The following FSD1L variants were observed in gnomAD, a reference collection of about 807,000 sequenced individuals.
FSD1L encodes the protein fibronectin type III and SPRY domain containing 1 like.
A neutral mutation model predicts 71.6 loss-of-function variants in FSD1L; 45 were observed. The ratio of observed to expected loss-of-function variants is 0.63; its 90% CI spans 0.49 to 0.81. FSD1L has a LOEUF of 0.81. Among genes scored for constraint, FSD1L ranks in the 30% least tolerant of loss-of-function variants. FSD1L has a pLI of 0.00. For missense variants in FSD1L, 561 were observed against 618.1 expected, an observed-to-expected ratio of 0.91 and a Z score of 0.98; for synonymous variants, 197 against 207.2, an observed-to-expected ratio of 0.95 and a Z score of 0.42.
chr9:105,536,852 G>T (rs932762432), intron 12 of FSD1L, among the ~76,000 whole-genome samples: 3 of 152,056 alleles, frequency 2.0e-5, no homozygotes, highest in Non-Finnish European at 4.4e-5. Flanking sequence ...GGCCAGGCTG[G>T]TCTCAAACTC....
intron 5 of FSD1L, among the ~76,000 whole-genome samples, chr9:105,474,337 C>T (rs974711948): frequency 5.9e-5 from 9 of 152,138 alleles, no homozygotes; most frequent in African/African-American, 1.9e-4. Context: ...CCATTATTGA[C>T]TGAAACGTAG....
chr9:105,460,838 C>T (rs1830646343), intron 1 of FSD1L, among the ~76,000 whole-genome samples: 1 of 152,120 alleles, frequency 6.6e-6, no homozygotes, highest in African/African-American at 2.4e-5. Context: ...GTGTAAATTT[C>T]ACAGGAGAGA....
Position 105,546,391 on chromosome 9 carries a change from A to T in FSD1L, c.1501A>T (p.Met501Leu). 6.5e-7 allele frequency: 1 copy of T among 1,550,166 alleles called. No individual in the cohort carries two copies. The highest frequency in any genetic ancestry group is 8.7e-7 in the Non-Finnish European group (1 of 1,146,120). ...WCGGLSLSTG[M>L]QVPSAVRTLQ... ...TGGTGGACTTTCTTTGAGTACTGGG[A>T]TGCAGGTTCCAAGTGCTGTGAGAAC... The change falls in exon 14 of 14, where the codon ATG becomes TTG. Residue 501 changes from methionine to leucine, a missense_variant. Transcript: ENST00000481272.
At chr9:105,498,665 C>G (rs938332221) in intron 7 of FSD1L, among the ~76,000 whole-genome samples, 7 of 152,194 alleles carry the variant, frequency 4.6e-5, no homozygotes, top group African/African-American at 1.7e-4. Flanking sequence ...TAATTTCCCT[C>G]TAAGCACTAT....
chr9:105,538,349 ATTAG>A (rs1408961842), intron 12 of FSD1L, among the ~76,000 whole-genome samples: 2 of 152,224 alleles, frequency 1.3e-5, no homozygotes, highest in Non-Finnish European at 2.9e-5. Context: ...GTGCATAAAT[ATTAG>A]TTTATTTTAT....
At chr9:105,449,134 CTA>C (rs1404449780) in intron 1 of FSD1L, among the ~76,000 whole-genome samples, 1 of 152,134 alleles carries the variant, frequency 6.6e-6, no homozygotes, top group Non-Finnish European at 1.5e-5. Flanking sequence ...ATCTAAGAGA[CTA>C]TTCTTTTCTA....
chr9:105,520,060 C>T (rs1835030836), intron 10 of FSD1L: 31 of 1,537,916 alleles, frequency 2.0e-5, no homozygotes, highest in Non-Finnish European at 5.3e-6. Flanking sequence ...CCCGTCCACT[C>T]CCTCCACTTT....
At chr9:105,511,682 A>T (rs1034111933) in intron 9 of FSD1L, among the ~76,000 whole-genome samples, 2 of 152,170 alleles carry the variant, frequency 1.3e-5, no homozygotes, top group African/African-American at 4.8e-5. Flanking sequence ...CATAAATAAA[A>T]AACAATGAAC....
intron 7 of FSD1L, among the ~76,000 whole-genome samples, chr9:105,499,380 T>C (rs563897601): frequency 7.2e-5 from 11 of 152,334 alleles, no homozygotes; most frequent in African/African-American, 2.6e-4. Context: ...CCTTCACTTA[T>C]CCTTCTCCAT....
intron 6 of FSD1L, among the ~76,000 whole-genome samples, chr9:105,483,527 A>G (rs761859037): frequency 5.2e-4 from 79 of 152,166 alleles, no homozygotes; most frequent in Non-Finnish European, 1.1e-3. Flanking sequence ...TTACTTTGTG[A>G]TACTTGTGGA....
intron 2 of FSD1L, 24 bp from the exon 3 acceptor site, chr9:105,464,212 T>C (rs1213052365): frequency 1.6e-6 from 2 of 1,219,334 alleles, no homozygotes; most frequent in Non-Finnish European, 2.3e-6. Flanking sequence ...AAATATAGTA[T>C]TTTAATGCTT....
At chr9:105,521,686 G>A in intron 10 of FSD1L, 1 of 1,613,342 alleles carries the variant, frequency 6.2e-7, no homozygotes. Flanking sequence ...ATGGAAGAAG[G>A]AGAAAAAAGA....
At chr9:105,490,362 T>C (rs551535037) in intron 7 of FSD1L, among the ~76,000 whole-genome samples, 9 of 152,318 alleles carry the variant, frequency 5.9e-5, no homozygotes, top group Non-Finnish European at 1.2e-4. Context: ...GTTTGTTTTT[T>C]TCTTGTAAAT....
chr9:105,487,730 A>G (rs1231519968), intron 7 of FSD1L, among the ~76,000 whole-genome samples: 2 of 152,064 alleles, frequency 1.3e-5, no homozygotes, highest in African/African-American at 2.4e-5. Context: ...CAAAATTTTT[A>G]ATTTTAGTGC....
chr9:105,517,722 A>T (rs756547551), intron 10 of FSD1L, among the ~76,000 whole-genome samples: 15 of 152,206 alleles, frequency 9.9e-5, no homozygotes, highest in Non-Finnish European at 4.4e-5. Context: ...AATTGTAAAG[A>T]CTATCGACAC....
rs779425076 is a variant in FSD1L, at chr9:105,471,968, G to A, written c.404G>A (p.Arg135Lys). 1 of 1,438,900 alleles carries A rather than the reference G, an allele frequency of 6.9e-7. No homozygotes were observed. The highest frequency in any genetic ancestry group is 9.1e-7 in the Non-Finnish European group (1 of 1,098,366). 89.1% of individuals were successfully genotyped at this position (1,438,900 alleles called of 1,614,324 possible). The stretch of plus-strand genomic sequence containing the variant: ...GAAGAACTATTAGAATTTGCAACAA[G>A]GTCATTAGATATAAAGGAACCTGAA... ...NSEELLEFAT[R>K]SLDIKEPEEF... The change falls in exon 5 of 14, where the codon AGG (arginine) becomes AAG (lysine). Residue 135 changes from arginine (R) to lysine (K), a missense_variant. Physicochemically the swap from Arg to Lys is conservative, Grantham distance 26. This residue lies in a region of FSD1L where 410 missense variants were observed against 413.5 expected (regional missense o/e 0.99). Coordinates refer to ENST00000481272, the MANE Select transcript of FSD1L (RefSeq NM_001145313.3).
Position 105,539,297 on chromosome 9 carries a change from G to T in FSD1L, c.1413G>T (p.Gln471His). The T allele has an allele frequency of 1.3e-6, 2 of 1,506,406 alleles. No individual in the cohort carries two copies. The highest frequency in any genetic ancestry group is 8.9e-7 in the Non-Finnish European group (1 of 1,119,338). The allele number at this position is 1,506,406 out of a possible 1,614,324, so 93.3% of individuals were successfully genotyped here. ...QLSFYDANSK[Q>H]LLYSFKTKFT... The stretch of plus-strand genomic sequence containing the variant: ...CATTCTATGATGCAAATTCTAAACA[G>T]TTGCTATATTCCTTTAAGACAAAAT... Residue 471 changes from glutamine (Q) to histidine (H), a missense_variant, in exon 13 of 14, where the codon CAG (glutamine) becomes CAT (histidine). Gln to His is a conservative substitution (Grantham distance 24). Transcript: ENST00000481272.
chr9:105,522,377 G>A (rs1835225814), intron 10 of FSD1L: 1 of 1,614,102 alleles, frequency 6.2e-7, no homozygotes, highest in Non-Finnish European at 8.5e-7. Context: ...ATGAATTTCA[G>A]AAAGTTTCAG....
intron 7 of FSD1L, among the ~76,000 whole-genome samples, chr9:105,493,176 G>T (rs1407722449): frequency 6.6e-6 from 1 of 152,078 alleles, no homozygotes; most frequent in East Asian, 1.9e-4. Flanking sequence ...TTATGAATCT[G>T]GGTGCTCCTG....
Sources: allele counts gnomAD v4.1 joint callset (sites outside exome capture counted in the v4.1 genomes callset), GRCh38; gene constraint gnomAD v4.1.1; regional missense constraint gnomAD v4.1.1; transcripts MANE v1.5; gene names NCBI Gene and HGNC (gene_info 2026-07-23, HGNC 2026-07-21).